LMF1: variants seen among roughly 807,000 people sequenced by gnomAD.
The protein encoded by LMF1 is lipase maturation factor 1.
In LMF1, 68 loss-of-function variants were observed where a neutral mutation model predicts 60.6. The observed-to-expected ratio is 1.12, with a 90% CI of 0.92 to 1.37. The LOEUF is 1.37. Ranked by LOEUF, LMF1 falls within the 40% of genes most tolerant of loss-of-function variation. The pLI, the probability that LMF1 is intolerant of heterozygous loss-of-function variation, is 0.00. For synonymous variants in LMF1, 418 were observed against 324.7 expected, an observed-to-expected ratio of 1.29 and a Z score of -3.09; for missense variants, 948 against 767.2, an observed-to-expected ratio of 1.24 and a Z score of -2.78.
chr16:980,238 T>G (rs890966272), intron 1 of LMF1: 1 of 168,058 alleles, frequency 6.0e-6, no homozygotes, highest in African/African-American at 2.4e-5. Flanking sequence ...CGGGCCTGGC[T>G]CCGGTTGTTC....
At chr16:919,678 G>A (rs1229029879) in intron 3 of LMF1, among the ~76,000 whole-genome samples, 1 of 106,272 alleles carries the variant, frequency 9.4e-6, no homozygotes, top group Non-Finnish European at 1.8e-5. Context: ...ATGACCTCAG[G>A]CCCACGTCCT....
At chr16:977,889 ACAC>A (rs1043258953) in intron 1 of LMF1, among the ~76,000 whole-genome samples, 3 of 148,528 alleles carry the variant, frequency 2.0e-5, no homozygotes, top group Non-Finnish European at 4.5e-5. Flanking sequence ...CTGCACACAT[ACAC>A]CACACACTAA....
rs1051551462 is a variant in LMF1, at chr16:888,604, C to A, written c.729+4403G>T. ...CCACATTCACAACCTGCTGTTGCAT[C>A]CGCGTCGTCAGGCAACCGCTCCGAT... On this transcript the variant is annotated intron_variant, in intron 5 of 10. Coordinates refer to ENST00000262301, the MANE Select transcript of LMF1 (RefSeq NM_022773.4). Among the ~76,000 whole-genome samples the A allele has an allele frequency of 5.3e-5, 8 of 152,336 alleles. No individual in the cohort carries two copies. The East Asian group carries it at 1.4e-3, about 26-fold the overall frequency.
At chr16:896,591 C>T (rs902893297) in intron 4 of LMF1, among the ~76,000 whole-genome samples, 25 of 152,138 alleles carry the variant, frequency 1.6e-4, no homozygotes, top group Non-Finnish European at 3.2e-4. Context: ...GCTGACCGGG[C>T]GGAGAAGGCC....
chr16:902,600 G>A (rs1275125332), intron 4 of LMF1: 5 of 167,334 alleles, frequency 3.0e-5, no homozygotes, highest in East Asian at 1.9e-4. Flanking sequence ...CTGTGGGGAC[G>A]CCCGTCTCTG....
At chr16:926,231 A>G (rs566885923) in intron 3 of LMF1, among the ~76,000 whole-genome samples, 146 of 150,284 alleles carry the variant, frequency 9.7e-4, no homozygotes, top group African/African-American at 3.3e-3. Flanking sequence ...GCACGTTTGC[A>G]TATGATCTGC....
At chr16:974,364 C>T (rs573020352), upstream of LMF1, among the ~76,000 whole-genome samples, 23 of 152,132 alleles carry the variant, frequency 1.5e-4, no homozygotes, top group African/African-American at 5.1e-4. Flanking sequence ...CAACCCGAGG[C>T]GGGAGGAGGA....
chr16:877,802 T>C (rs117571678), intron 6 of LMF1, among the ~76,000 whole-genome samples: 2,416 of 152,024 alleles, frequency 0.016, 171 homozygotes, highest in Admixed American at 0.12. Context: ...ACAGGACGCG[T>C]CTCTGAGGGA....
At chr16:883,435 G>C (rs1045383115) in intron 5 of LMF1, among the ~76,000 whole-genome samples, 1 of 152,268 alleles carries the variant, frequency 6.6e-6, no homozygotes. Flanking sequence ...TGAGGCTTGG[G>C]GTGTGTTGGG....
At chr16:862,870 TA>T (rs1281601449) in intron 10 of LMF1, among the ~76,000 whole-genome samples, 1 of 152,080 alleles carries the variant, frequency 6.6e-6, no homozygotes, top group African/African-American at 2.4e-5. Flanking sequence ...AAAAAATAAA[TA>T]AATAAATAAA....
intron 6 of LMF1, 106 bp downstream of exon 6, chr16:879,461 AGGG>A: frequency 1.6e-6 from 2 of 1,278,814 alleles, no homozygotes; most frequent in Non-Finnish European, 2.2e-6. Flanking sequence ...TCCCCAAGAA[AGGG>A]GGCCTGTAAT....
chr16:954,143 A>G (rs949165914), intron 2 of LMF1: 2 of 682,698 alleles, frequency 2.9e-6, no homozygotes, highest in Non-Finnish European at 5.4e-6. Context: ...AGGAAGAGCT[A>G]CTGCAAAGAG....
rs1415509716 is a variant in LMF1, at chr16:871,219, C to T, written c.1020G>A (p.Lys340=). 3.1e-6 allele frequency: 5 copies of T among 1,611,618 alleles called. No homozygotes were observed. Among genetic ancestry groups the T allele is most frequent in the Admixed American group, 1.7e-5 (1 of 59,882 alleles). ...FLFPSGPGSL[K]DRVLQMQRDI... ...CCCTCTGCATCTGCAGAACTCGGTC[C>T]TTCAGGCTGCCTGGCCCAGAGGGGA... The change falls in exon 7 of 11, where the codon AAG becomes AAA. Residue 340 remains lysine, a synonymous_variant. Coordinates refer to ENST00000262301, the MANE Select transcript of LMF1 (RefSeq NM_022773.4).
intron 5 of LMF1, chr16:885,234 A>C (rs1027125960): frequency 1.3e-5 from 2 of 152,378 alleles, no homozygotes; most frequent in Admixed American, 1.3e-4. Context: ...CACAAATAAG[A>C]CAAAAAAGTT....
At chr16:971,780 C>A (rs111498103), upstream of LMF1, among the ~76,000 whole-genome samples, 1 of 152,110 alleles carries the variant, frequency 6.6e-6, no homozygotes, top group Non-Finnish European at 1.5e-5. Context: ...AAAGAAAGGG[C>A]GTGAGGCTAG....
At chr16:943,698 G>C (rs1448827919) in intron 2 of LMF1, among the ~76,000 whole-genome samples, 1 of 133,272 alleles carries the variant, frequency 7.5e-6, no homozygotes, top group Non-Finnish European at 1.5e-5. Context: ...CTGCACTCCA[G>C]CCTGGGGGAC....
upstream of LMF1, chr16:981,339 AGAGAGAGAGTGTGTGTGTGTGT>A (rs2073364280): frequency 9.8e-6 from 3 of 306,284 alleles, no homozygotes; most frequent in African/African-American, 5.8e-5. Context: ...AGAGAGAGAG[AGAGAGAGAGTGTGTGTGTGTGT>A]GTGTGTGTGT....
rs778460990 is a variant in LMF1, at chr16:869,926, T to C, written c.1373A>G (p.Tyr458Cys). ...CATCAGCCAGTCCAGGCGGTAGTGG[T>C]ACGGGGAGATGAGGCAGGGCCGTCT... ...PSRRPCLISP[Y>C]HYRLDWLMWF... is the part of the protein sequence containing the mutation. Residue 458 changes from tyrosine to cysteine, a missense_variant, in exon 9 of 11, where the codon TAC (tyrosine) becomes TGC (cysteine). Tyr to Cys is a radical substitution (Grantham distance 194). Coordinates refer to ENST00000262301, the MANE Select transcript of LMF1 (RefSeq NM_022773.4). 6.2e-7 allele frequency: 1 copy of C among 1,613,184 alleles called. No homozygotes were observed. Among genetic ancestry groups the C allele is most frequent in the Non-Finnish European group, 8.5e-7 (1 of 1,179,846 alleles).
intron 6 of LMF1, chr16:873,080 G>C (rs1012904532): frequency 6.6e-6 from 1 of 152,256 alleles, no homozygotes. Flanking sequence ...TTCGGGGCTC[G>C]GGGCCCTGCT....
Sources: gnomAD v4.1 joint callset for allele counts (sites outside exome capture counted in the v4.1 genomes callset) on GRCh38, gnomAD v4.1.1 for gene constraint, MANE v1.5 for transcripts, NCBI Gene and HGNC (gene_info 2026-07-23, HGNC 2026-07-21) for gene names.